The following SRPRB variants were observed in gnomAD, a reference collection of about 807,000 sequenced individuals.
The protein encoded by SRPRB is signal recognition particle receptor subunit beta.
In SRPRB, 20 loss-of-function variants were observed where a neutral mutation model predicts 31.9. The observed-to-expected ratio is 0.63, with a 90% CI of 0.44 to 0.91. The LOEUF (loss-of-function observed/expected upper bound fraction) is 0.91, where lower values mean the gene tolerates loss of function less well. Ranked by LOEUF, SRPRB falls within the 40% of genes least tolerant of loss-of-function variation. The pLI is 0.00. For synonymous variants in SRPRB, 146 were observed against 132.8 expected (o/e 1.10, Z -0.68); for missense variants, 321 against 324.9 (o/e 0.99, Z 0.09).
chr3:133,823,884 T>TC (rs942589287), downstream of SRPRB, among the ~76,000 whole-genome samples: 1 of 152,078 alleles, frequency 6.6e-6, no homozygotes, highest in African/African-American at 2.4e-5. Context: ...CTGTACCCTC[T>TC]CCCCCCTTCC....
downstream of SRPRB, chr3:133,824,514 G>T (rs1405650234): frequency 6.6e-6 from 1 of 152,218 alleles, no homozygotes; most frequent in East Asian, 1.9e-4. Flanking sequence ...CCTGCTGCAA[G>T]GATTTCCTGA....
chr3:133,806,577 A>AT (rs1935164763), intron 1 of SRPRB, 32 bp from the exon 2 acceptor site: 1 of 1,585,480 alleles, frequency 6.3e-7, no homozygotes, highest in Non-Finnish European at 8.7e-7. Context: ...CCAAGGCGTA[A>AT]TTTTTGTTGT....
rs552106577 is a variant in SRPRB, at chr3:133,821,088, G to A, written c.*1322G>A. 10 of 152,498 alleles carry A rather than the reference G, an allele frequency of 6.6e-5. No individual in the cohort carries two copies. The highest frequency in any genetic ancestry group is 1.9e-4 in the African/African-American group (8 of 41,582). 9.4% of individuals were successfully genotyped at this position (152,498 alleles called of 1,614,324 possible). A position where few individuals can be genotyped will look rare whatever the true frequency, so the allele number is the denominator to read the frequency against. ...TCAAAGGATAAAGCATGGGGCTGAT[G>A]ACGTCTGAGGGAGTGTGATCCTCCA... On this transcript the variant is annotated 3_prime_UTR_variant, in exon 7 of 7. Coordinates refer to ENST00000678299, the MANE Select transcript of SRPRB (RefSeq NM_001379313.1).
At chr3:133,809,335 G>A (rs1935219309) in intron 3 of SRPRB, among the ~76,000 whole-genome samples, 1 of 152,212 alleles carries the variant, frequency 6.6e-6, no homozygotes. Flanking sequence ...GGGCTCGTTG[G>A]AGGATGTGGA....
At chr3:133,804,648 G>A (rs773666651), upstream of SRPRB, among the ~76,000 whole-genome samples, 1 of 151,858 alleles carries the variant, frequency 6.6e-6, no homozygotes, top group Non-Finnish European at 1.5e-5. Flanking sequence ...GCAGTCTTTT[G>A]TGACAGTTTT....
Position 133,805,987 on chromosome 3 carries a change from GTGC to G in SRPRB, c.145_147del (p.Leu49del), listed in dbSNP as rs1935148900. 4 of 1,613,162 alleles carry G rather than the reference GTGC, an allele frequency of 2.5e-6. No individual in the cohort carries two copies. ...GTCAGTAGTGGTGGCGGTTCTTGCG[GTGC>G]TGCTGACGCTAGGTAAAAGGCGGCC... On this transcript the variant is annotated inframe_deletion, in exon 1 of 7. Transcript: ENST00000678299.
At chr3:133,784,464 G>A (rs1576371713) in intron 1 of SRPRB, 1 of 51,130 alleles carries the variant, frequency 2.0e-5, no homozygotes, top group East Asian at 2.7e-4. Context: ...ATTCCCATTT[G>A]TTAAAAAAAT....
intron 1 of SRPRB, chr3:133,786,820 G>A (rs1044626229): frequency 1.3e-5 from 2 of 152,202 alleles, no homozygotes; most frequent in Non-Finnish European, 2.9e-5. Context: ...TATAGTGGAC[G>A]AATTAACTTC....
Position 133,820,049 on chromosome 3 carries a change from A to G in SRPRB, c.*283A>G, listed in dbSNP as rs561032659. On this transcript the variant is annotated 3_prime_UTR_variant, in exon 7 of 7. Coordinates refer to ENST00000678299, the MANE Select transcript of SRPRB (RefSeq NM_001379313.1). Reference sequence around the variant, plus strand: ...ATGTAGGGTCAAGGTTTTTGTGACAACAGGCAGACTCCACACAGAGAGGAT... The same window carrying G: ...ATGTAGGGTCAAGGTTTTTGTGACAGCAGGCAGACTCCACACAGAGAGGAT... 5 of 379,932 alleles carry G rather than the reference A, an allele frequency of 1.3e-5. No individual in the cohort carries two copies. The South Asian group carries it at 1.6e-4, about 12-fold the overall frequency. The allele number at this position is 379,932 out of a possible 1,614,324, so 23.5% of individuals were successfully genotyped here.
chr3:133,822,435 G>A (rs1935488329), downstream of SRPRB, among the ~76,000 whole-genome samples: 2 of 152,182 alleles, frequency 1.3e-5, no homozygotes, highest in African/African-American at 4.8e-5. Context: ...AGGGGTCTAA[G>A]CACTGCACTG....
Position 133,805,881 on chromosome 3 carries a change from TGGC to T in SRPRB, c.39_41del (p.Gly14del), listed in dbSNP as rs1935144307. On this transcript the variant is annotated inframe_deletion, in exon 1 of 7. Transcript: ENST00000678299. ...CCGCGGACTCGCGCCGGGTGGCAGA[TGGC>T]GGCGGTGCCGGGGGCACCTTCCAGC... is the stretch of plus-strand genomic sequence containing the variant. 6.2e-7 allele frequency: 1 copy of T among 1,612,628 alleles called. No individual in the cohort carries two copies. Among genetic ancestry groups the T allele is most frequent in the South Asian group, 1.1e-5 (1 of 90,904 alleles).
upstream of SRPRB, among the ~76,000 whole-genome samples, chr3:133,804,098 A>T (rs1298753614): frequency 3.3e-4 from 48 of 145,080 alleles, no homozygotes; most frequent in Non-Finnish European, 4.2e-4. Context: ...TCTGTCTCAA[A>T]AAAAAAAAAA....
At chr3:133,815,323 G>T (rs1038832368) in intron 4 of SRPRB, among the ~76,000 whole-genome samples, 1 of 151,850 alleles carries the variant, frequency 6.6e-6, no homozygotes, top group African/African-American at 2.4e-5. Context: ...TTTATCATAT[G>T]GTTCTCTATA....
chr3:133,804,572 C>A (rs930824647), upstream of SRPRB, among the ~76,000 whole-genome samples: 1 of 152,068 alleles, frequency 6.6e-6, no homozygotes, highest in Non-Finnish European at 1.5e-5. Context: ...GCTGGGTAGC[C>A]GTCCTAACAG....
At chr3:133,784,634 A>G (rs1934610920) in intron 1 of SRPRB, 1 of 152,096 alleles carries the variant, frequency 6.6e-6, no homozygotes, top group Non-Finnish European at 1.5e-5. Flanking sequence ...CAACCCCTGG[A>G]TCTAGGTTGC....
intron 1 of SRPRB, among the ~76,000 whole-genome samples, chr3:133,799,276 A>T (rs979570469): frequency 6.6e-6 from 1 of 152,186 alleles, no homozygotes; most frequent in Non-Finnish European, 1.5e-5. Flanking sequence ...GAAAAAATGA[A>T]ATCCTAAATT....
intron 1 of SRPRB, chr3:133,789,645 T>C (rs1934777987): frequency 6.6e-6 from 1 of 152,286 alleles, no homozygotes; most frequent in Non-Finnish European, 1.5e-5. Flanking sequence ...CACTCATAAA[T>C]TAAGTAAATA....
chr3:133,790,699 G>T (rs953451004), intron 1 of SRPRB: 1 of 152,210 alleles, frequency 6.6e-6, no homozygotes, highest in African/African-American at 2.4e-5. Context: ...AGCCGGATTT[G>T]GTGTGGAGCC....
downstream of SRPRB, chr3:133,826,552 C>T (rs1450132485): frequency 6.5e-6 from 1 of 152,684 alleles, no homozygotes; most frequent in Non-Finnish European, 1.5e-5. Flanking sequence ...CATGTGGACT[C>T]CTGTAAATTC....
Sources: allele counts gnomAD v4.1 joint callset (sites outside exome capture counted in the v4.1 genomes callset), GRCh38; gene constraint gnomAD v4.1.1; transcripts MANE v1.5; gene names NCBI Gene and HGNC (gene_info 2026-07-23, HGNC 2026-07-21).